SGPP2: variants seen among roughly 807,000 people sequenced by gnomAD.
SGPP2 encodes the protein sphingosine 1-phosphate phosphohydrolase 2.
Under a neutral mutation model 33.9 loss-of-function variants are expected in SGPP2, and 30 were observed. The ratio of observed to expected loss-of-function variants is 0.89; its 90% CI spans 0.66 to 1.20. The LOEUF (loss-of-function observed/expected upper bound fraction) is 1.20, where lower values mean the gene tolerates loss of function less well. SGPP2 is among the 50% of genes most tolerant of loss of function. SGPP2 has a pLI of 0.00. For synonymous variants in SGPP2, 233 were observed against 225.0 expected, an observed-to-expected ratio of 1.04 and a Z score of -0.32; for missense variants, 458 against 532.1, an observed-to-expected ratio of 0.86 and a Z score of 1.37.
chr2:222,451,304 A>G (rs1460330729), intron 1 of SGPP2, among the ~76,000 whole-genome samples: 1 of 152,248 alleles, frequency 6.6e-6, no homozygotes, highest in East Asian at 1.9e-4. Context: ...TAGTTTCTTC[A>G]TGTGACCTAA....
intron 1 of SGPP2, among the ~76,000 whole-genome samples, chr2:222,431,712 T>C (rs1697159846): frequency 6.6e-6 from 1 of 152,094 alleles, no homozygotes; most frequent in African/African-American, 2.4e-5. Flanking sequence ...GGGAATCCCC[T>C]GACCAGAGCT....
At chr2:222,459,567 C>T (rs1185893397) in intron 1 of SGPP2, among the ~76,000 whole-genome samples, 1 of 151,920 alleles carries the variant, frequency 6.6e-6, no homozygotes, top group Non-Finnish European at 1.5e-5. Context: ...CCCATTATAG[C>T]ATAGAAAGCA....
chr2:222,455,494 G>T (rs1425504872), intron 1 of SGPP2, among the ~76,000 whole-genome samples: 1 of 152,194 alleles, frequency 6.6e-6, no homozygotes, highest in East Asian at 1.9e-4. Flanking sequence ...GAGAGGCAGG[G>T]AGGTAGGAGA....
chr2:222,498,578 A>AT (rs1188688818), intron 2 of SGPP2, among the ~76,000 whole-genome samples: 7 of 151,276 alleles, frequency 4.6e-5, no homozygotes, highest in African/African-American at 7.3e-5. Flanking sequence ...GAATGAATGA[A>AT]TTTTTTTTTC....
chr2:222,442,424 ATAT>A (rs1697338862), intron 1 of SGPP2, among the ~76,000 whole-genome samples: 1 of 152,184 alleles, frequency 6.6e-6, no homozygotes, highest in Non-Finnish European at 1.5e-5. Flanking sequence ...CAGACATAAA[ATAT>A]TATCTGACAG....
intron 4 of SGPP2, among the ~76,000 whole-genome samples, chr2:222,530,374 T>C (rs1372553522): frequency 6.6e-6 from 1 of 152,254 alleles, no homozygotes; most frequent in African/African-American, 2.4e-5. Flanking sequence ...AAGGCTGTTT[T>C]ATCTACATTA....
chr2:222,452,697 G>A, intron 1 of SGPP2: 1 of 1,372,788 alleles, frequency 7.3e-7, no homozygotes. Context: ...GCTGCAGCTT[G>A]AATTGCTCCA....
At chr2:222,474,447 A>T in intron 1 of SGPP2, 121 bp from the exon 2 acceptor site, 2 of 786,992 alleles carry the variant, frequency 2.5e-6, no homozygotes, top group Non-Finnish European at 4.1e-6. Flanking sequence ...ATGATACCTT[A>T]ATAACATAAT....
intron 2 of SGPP2, among the ~76,000 whole-genome samples, chr2:222,485,646 A>AC (rs1698094808): frequency 6.6e-6 from 1 of 151,920 alleles, no homozygotes; most frequent in Non-Finnish European, 1.5e-5. Flanking sequence ...ACCTAAGGGG[A>AC]CTGGGTATTT....
At chr2:222,496,302 G>C (rs1433820749) in intron 2 of SGPP2, among the ~76,000 whole-genome samples, 6 of 152,200 alleles carry the variant, frequency 3.9e-5, no homozygotes, top group Admixed American at 3.9e-4. Flanking sequence ...TTCCAAAGTA[G>C]TAAGCAGAGT....
At position 222,424,787 on chromosome 2, in the gene SGPP2, CG is replaced by C; in HGVS notation, c.187del (p.Ala63ProfsTer19). ...PAANGKGGEA[P>X]ANGLRRAAAP... ...GCCAACGGCAAGGGCGGCGAGGCTC[CG>C]GCCAACGGGCTGCGCAGAGCCGCGG... is the stretch of plus-strand genomic sequence containing the variant. On this transcript the variant is annotated frameshift_variant, in exon 1 of 5. Coordinates refer to ENST00000321276, the MANE Select transcript of SGPP2 (RefSeq NM_152386.4). LOFTEE classifies it high-confidence loss of function. 7.2e-7 allele frequency: 1 copy of C among 1,396,224 alleles called. No homozygotes were observed. The highest frequency in any genetic ancestry group is 9.3e-7 in the Non-Finnish European group (1 of 1,076,670). The allele number at this position is 1,396,224 out of a possible 1,614,324, so 86.5% of individuals were successfully genotyped here.
rs543033075 is a variant in SGPP2 at position 222,507,019 on chromosome 2, T to C, written c.379-14748T>C. ...CACAGAGAAAACCTCCAACCCCAGC[T>C]TGGTAGGAGACCCACAGAAAGTGTC... On this transcript the variant is annotated intron_variant, in intron 2 of 4. Transcript: ENST00000321276. 2.0e-5 allele frequency among the ~76,000 whole-genome samples: 3 copies of C among 152,238 alleles called. No homozygotes were observed. The South Asian group carries it at 6.2e-4, about 32-fold the overall frequency.
intron 2 of SGPP2, chr2:222,504,213 G>A (rs941995055): frequency 6.6e-6 from 1 of 152,238 alleles, no homozygotes; most frequent in Admixed American, 6.5e-5. Flanking sequence ...GTTCAACTCA[G>A]GGGTTGTCTT....
chr2:222,451,216 A>G (rs1031777831), intron 1 of SGPP2, among the ~76,000 whole-genome samples: 3 of 151,972 alleles, frequency 2.0e-5, no homozygotes, highest in Non-Finnish European at 4.4e-5. Flanking sequence ...TCCAGAAACA[A>G]TTTTCAAAGT....
At chr2:222,506,767 T>C (rs74566322) in intron 2 of SGPP2, among the ~76,000 whole-genome samples, 242 of 152,168 alleles carry the variant, frequency 1.6e-3, no homozygotes, top group Admixed American at 0.013. Flanking sequence ...TTACAAAACA[T>C]AACTAACGAT....
At chr2:222,549,257 C>G (rs532010664) in intron 4 of SGPP2, among the ~76,000 whole-genome samples, 1 of 152,364 alleles carries the variant, frequency 6.6e-6, no homozygotes, top group South Asian at 2.1e-4. Flanking sequence ...CTTTCTTTCT[C>G]ACTAGCGCTA....
chr2:222,522,708 G>T (rs998371530), intron 3 of SGPP2, among the ~76,000 whole-genome samples: 11 of 151,992 alleles, frequency 7.2e-5, no homozygotes, highest in South Asian at 2.1e-4. Context: ...TTTAAGACAG[G>T]GTCTCTGTTG....
chr2:222,503,220 G>A (rs1358104058), intron 2 of SGPP2, among the ~76,000 whole-genome samples: 1 of 152,224 alleles, frequency 6.6e-6, no homozygotes, highest in South Asian at 2.1e-4. Context: ...TGAAAACCAA[G>A]AGCGTTGTTG....
intron 4 of SGPP2, among the ~76,000 whole-genome samples, chr2:222,543,686 C>T (rs1281446472): frequency 6.6e-6 from 1 of 152,184 alleles, no homozygotes; most frequent in Non-Finnish European, 1.5e-5. Context: ...ATGGACTGTA[C>T]TCAGTACTCT....
Sources: allele counts gnomAD v4.1 joint callset (sites outside exome capture counted in the v4.1 genomes callset), GRCh38; gene constraint gnomAD v4.1.1; transcripts MANE v1.5; gene names NCBI Gene and HGNC (gene_info 2026-07-23, HGNC 2026-07-21).